DVL3: variants seen among roughly 807,000 people sequenced by gnomAD.
DVL3 encodes segment polarity protein dishevelled homolog DVL-3.
In DVL3, 27 loss-of-function variants were observed where a neutral mutation model predicts 67.4. The observed-to-expected ratio is 0.40, with a 90% CI of 0.30 to 0.55. The LOEUF (loss-of-function observed/expected upper bound fraction) is 0.55, where lower values mean the gene tolerates loss of function less well. Ranked by LOEUF, DVL3 falls within the 20% of genes least tolerant of loss-of-function variation. The pLI is 0.46. For synonymous variants in DVL3, 369 were observed against 396.8 expected (o/e 0.93, Z 0.83); for missense variants, 819 against 1,021.5 (o/e 0.80, Z 2.70).
chr3:184,159,665 AT>A (rs1714313516), intron 1 of DVL3, among the ~76,000 whole-genome samples: 1 of 150,814 alleles, frequency 6.6e-6, no homozygotes, highest in Admixed American at 6.6e-5. Flanking sequence ...TGCCTGGTAT[AT>A]TTTATCTTTA....
chr3:184,156,132 C>G (rs544222445), intron 1 of DVL3, among the ~76,000 whole-genome samples: 4 of 152,210 alleles, frequency 2.6e-5, no homozygotes, highest in South Asian at 4.2e-4. Flanking sequence ...AGCCCGAGTC[C>G]CCCATCCTCC....
rs761878834 is a variant in DVL3, at chr3:184,165,067, G to A, written c.600-46G>A. The A allele has an allele frequency of 6.2e-7, 1 of 1,612,632 alleles. No individual in the cohort carries two copies. The highest frequency in any genetic ancestry group is 1.7e-5 in the Admixed American group (1 of 59,892). On this transcript the variant is annotated intron_variant, in intron 5 of 14. Transcript: ENST00000313143. The surrounding 1 kb of genome is among the most constrained non-coding windows in gnomAD (Gnocchi z 4.1). ...GCCCTGCAGTGCCTCCCCTCATGGG[G>A]GCAGGGCTGGGCCAGCCTGGTGGGG... is the stretch of plus-strand genomic sequence containing the variant.
chr3:184,161,118 G>A (rs1714364932), intron 1 of DVL3, among the ~76,000 whole-genome samples: 1 of 152,128 alleles, frequency 6.6e-6, no homozygotes, highest in Admixed American at 6.6e-5. Context: ...CCCAGCTCTG[G>A]GCAGAAGCTG....
Position 184,171,175 on chromosome 3 carries a change from C to T in DVL3, c.*420C>T. 1 of 1,144,294 alleles carries T rather than the reference C, an allele frequency of 8.7e-7. No homozygotes were observed. Among genetic ancestry groups the T allele is most frequent in the Non-Finnish European group, 1.1e-6 (1 of 923,180 alleles). 70.9% of individuals were successfully genotyped at this position (1,144,294 alleles called of 1,614,324 possible). On this transcript the variant is annotated 3_prime_UTR_variant, in exon 15 of 15. Transcript: ENST00000313143. ...CCATTTATTCAGCTACATCATCCCT[C>T]TATTAACCCCACCCCATCAGGCACG...
In DVL3 at chr3:184,166,286, C is replaced by A. The variant is rs377251528; in HGVS notation, c.903+21C>A. 6.2e-7 allele frequency: 1 copy of A among 1,610,352 alleles called. No homozygotes were observed. Among genetic ancestry groups the A allele is most frequent in the Non-Finnish European group, 8.5e-7 (1 of 1,178,212 alleles). On this transcript the variant is annotated intron_variant, in intron 8 of 14. Coordinates refer to ENST00000313143, the MANE Select transcript of DVL3 (RefSeq NM_004423.4). The surrounding 1 kb of genome is among the most constrained non-coding windows in gnomAD (Gnocchi z 6.7). ...TACAGGTATCAGTGCCCATCCTAGGCGGTGGTGTGGATAGAGGGCAGGGAG... is the reference window on the plus strand; with the variant it reads ...TACAGGTATCAGTGCCCATCCTAGGAGGTGGTGTGGATAGAGGGCAGGGAG...
chr3:184,164,088 TAGC>T lies in DVL3; in HGVS notation c.232-176_232-174del, dbSNP rs1714475028. Among the ~76,000 whole-genome samples the T allele has an allele frequency of 6.6e-6, 1 of 152,102 alleles. No individual in the cohort carries two copies. Among genetic ancestry groups the T allele is most frequent in the Non-Finnish European group, 1.5e-5 (1 of 68,004 alleles). ...CCATGCCTTCCAACAACCCCGTCAA[TAGC>T]AGGAAGTGGCAGAGGGGCCACTGTT... On this transcript the variant is annotated intron_variant, in intron 2 of 14. Transcript: ENST00000313143. This position sits in a 1 kb window ranked among gnomAD's most constrained non-coding sequence, Gnocchi z 5.3.
At position 184,164,661 on chromosome 3, in the gene DVL3, C is replaced by G; in HGVS notation, c.463+60C>G. ...TCACACCCTCCCCTCACTTTCCACC[C>G]AGCTACCCACCTTCTTGCCCTACTT... On this transcript the variant is annotated intron_variant, in intron 4 of 14. Transcript: ENST00000313143. The surrounding 1 kb of genome is among the most constrained non-coding windows in gnomAD (Gnocchi z 5.3). 1 of 1,553,246 alleles carries G rather than the reference C, an allele frequency of 6.4e-7. No individual in the cohort carries two copies.
At position 184,168,032 on chromosome 3, in the gene DVL3, C is replaced by T; in HGVS notation, c.1465C>T (p.Gln489Ter). 1 of 1,614,276 alleles carries T rather than the reference C, an allele frequency of 6.2e-7. No homozygotes were observed. Among genetic ancestry groups the T allele is most frequent in the Non-Finnish European group, 8.5e-7 (1 of 1,180,044 alleles). ...CGTCAACAAGATCACCTTCTCCGAG[C>T]AGTGCTACTACATCTTCGGTGACCT... is the stretch of plus-strand genomic sequence containing the variant. ...HTVNKITFSE[Q>*]CYYIFGDLCG... is the part of the protein sequence containing the mutation. Residue 489 changes from glutamine to a stop codon, truncating the protein, a stop_gained, in exon 13 of 15, where the codon CAG (glutamine) becomes TAG (stop). Coordinates refer to ENST00000313143, the MANE Select transcript of DVL3 (RefSeq NM_004423.4). LOFTEE classifies it high-confidence loss of function.
Position 184,155,975 on chromosome 3 carries a change from T to C in DVL3, c.161+179T>C, listed in dbSNP as rs1230242583. ...GCCCCAGTAGCAACTCCCGTTTACC[T>C]CTGAAGAGGGGACGTTGGCCTCCCT... On this transcript the variant is annotated intron_variant, in intron 1 of 14. Coordinates refer to ENST00000313143, the MANE Select transcript of DVL3 (RefSeq NM_004423.4). The surrounding 1 kb of genome is among the most constrained non-coding windows in gnomAD (Gnocchi z 5.4). Among the ~76,000 whole-genome samples the C allele has an allele frequency of 6.6e-6, 1 of 152,130 alleles. No individual in the cohort carries two copies.
In DVL3 at chr3:184,165,469, C is replaced by T. The variant is rs1714550257; in HGVS notation, c.741C>T (p.Ile247=). 6.2e-7 allele frequency: 1 copy of T among 1,614,102 alleles called. No individual in the cohort carries two copies. The highest frequency in any genetic ancestry group is 1.1e-5 in the South Asian group (1 of 91,076). The part of the protein sequence containing the change: ...SITDSTMSLN[I]ITVTLNMEKY... Reference sequence around the variant, plus strand: ...CGGACTCCACCATGTCACTCAACATCATCACGGTCACTCTCAACATGGGTG... The same window carrying T: ...CGGACTCCACCATGTCACTCAACATTATCACGGTCACTCTCAACATGGGTG... Residue 247 remains isoleucine, a synonymous_variant, in exon 7 of 15, where the codon ATC becomes ATT. Coordinates refer to ENST00000313143, the MANE Select transcript of DVL3 (RefSeq NM_004423.4). This position sits in a 1 kb window ranked among gnomAD's most constrained non-coding sequence, Gnocchi z 4.1.
rs777780743 is a variant in DVL3, at chr3:184,170,263, C to CA, written c.1714+43dup. ...GTGGAGGAAGGCTATAGGTGGGCCC[C>CA]AGGCTTCCCCCGCCCGCTCAGCCTG... On this transcript the variant is annotated intron_variant, in intron 14 of 14. Transcript: ENST00000313143. This position sits in a 1 kb window ranked among gnomAD's most constrained non-coding sequence, Gnocchi z 6.5. 1 of 1,603,154 alleles carries CA rather than the reference C, an allele frequency of 6.2e-7. No homozygotes were observed. Among genetic ancestry groups the CA allele is most frequent in the Non-Finnish European group, 8.5e-7 (1 of 1,174,444 alleles).
In DVL3 at chr3:184,172,358, G is replaced by T. The variant is rs551501960; in HGVS notation, c.*1603G>T. 5.9e-5 allele frequency: 9 copies of T among 152,372 alleles called. No individual in the cohort carries two copies. The highest frequency in any genetic ancestry group is 4.6e-4 in the Admixed American group (7 of 15,302). The allele number at this position is 152,372 out of a possible 1,614,324, so 9.4% of individuals were successfully genotyped here. A position where few individuals can be genotyped will look rare whatever the true frequency, so the allele number is the denominator to read the frequency against. On this transcript the variant is annotated 3_prime_UTR_variant, in exon 15 of 15. Transcript: ENST00000313143. ...GGGCTTCCATATTTTGGGGGCTGGG[G>T]TGTCAAAAGTGAGATGAAGTTCTTA...
Position 184,167,429 on chromosome 3 carries a change from T to G in DVL3, c.1199-151T>G, listed in dbSNP as rs1714637203. On this transcript the variant is annotated intron_variant, in intron 11 of 14. Transcript: ENST00000313143. The surrounding 1 kb of genome is among the most constrained non-coding windows in gnomAD (Gnocchi z 4.6). Reference sequence around the variant, plus strand: ...TAAAGTAGATATTAAAATCCCCATTTTTTACAGAAGGGGAAACTGAGTGTC... The same window carrying G: ...TAAAGTAGATATTAAAATCCCCATTGTTTACAGAAGGGGAAACTGAGTGTC... The G allele has an allele frequency of 1.3e-6, 1 of 741,890 alleles. No homozygotes were observed. Among genetic ancestry groups the G allele is most frequent in the African/African-American group, 1.8e-5 (1 of 56,512 alleles). 46.0% of individuals were successfully genotyped at this position (741,890 alleles called of 1,614,324 possible). A position where few individuals can be genotyped will look rare whatever the true frequency, so the allele number is the denominator to read the frequency against.
In DVL3 at chr3:184,155,534, G is replaced by A. The variant is rs1423546086; in HGVS notation, c.-102G>A. ...GGCGCCGCCAGCAGCCGCCGAGCTGGGTTGAGCCGCTGGGCCGCGCCGCGC... is the reference window on the plus strand; with the variant it reads ...GGCGCCGCCAGCAGCCGCCGAGCTGAGTTGAGCCGCTGGGCCGCGCCGCGC... On this transcript the variant is annotated 5_prime_UTR_variant, in exon 1 of 15. Coordinates refer to ENST00000313143, the MANE Select transcript of DVL3 (RefSeq NM_004423.4). This position sits in a 1 kb window ranked among gnomAD's most constrained non-coding sequence, Gnocchi z 5.4. 2.1e-5 allele frequency: 16 copies of A among 759,546 alleles called. No homozygotes were observed. In the Admixed American group the frequency reaches 4.4e-4, roughly 21 times the overall value. The allele number at this position is 759,546 out of a possible 1,614,324, so 47.1% of individuals were successfully genotyped here.
chr3:184,155,594 C>G lies in DVL3; in HGVS notation c.-42C>G, dbSNP rs752778138. On this transcript the variant is annotated 5_prime_UTR_variant, in exon 1 of 15. Transcript: ENST00000313143. This position sits in a 1 kb window ranked among gnomAD's most constrained non-coding sequence, Gnocchi z 5.4. ...GTCTGGGAGGCTCGGCCCGGCCGCC[C>G]GAGCAGGCCGCGCGCGGGCCGCCGG... 6.9e-6 allele frequency: 8 copies of G among 1,157,564 alleles called. No individual in the cohort carries two copies. Among genetic ancestry groups the G allele is most frequent in the Non-Finnish European group, 8.6e-6 (8 of 935,474 alleles). The allele number at this position is 1,157,564 out of a possible 1,614,324, so 71.7% of individuals were successfully genotyped here. A position where few individuals can be genotyped will look rare whatever the true frequency, so the allele number is the denominator to read the frequency against.
rs757532123 is a variant in DVL3, at chr3:184,164,890, C to T, written c.558C>T (p.Thr186=). ...CCCTTATGAGCAGTGAGCTGGAGAC[C>T]ACCAGCTTCTTTGACTCAGATGAGG... ...SSTLMSSELE[T]TSFFDSDEDD... Residue 186 remains threonine (T), a synonymous_variant, in exon 5 of 15, where the codon ACC becomes ACT. Transcript: ENST00000313143. This position sits in a 1 kb window ranked among gnomAD's most constrained non-coding sequence, Gnocchi z 5.3. 6.2e-7 allele frequency: 1 copy of T among 1,614,210 alleles called. No homozygotes were observed. The highest frequency in any genetic ancestry group is 8.5e-7 in the Non-Finnish European group (1 of 1,180,038).
In DVL3 at chr3:184,166,088, C is replaced by G. The variant is rs754901383; in HGVS notation, c.764-38C>G. The G allele has an allele frequency of 1.2e-6, 2 of 1,603,034 alleles. No individual in the cohort carries two copies. The highest frequency in any genetic ancestry group is 1.7e-6 in the Non-Finnish European group (2 of 1,177,566). ...AATGGGCTGGGAATGCGGGTAGGAA[C>G]CTTGCTCCCCCTTAAGGTCTTAAAT... On this transcript the variant is annotated intron_variant, in intron 7 of 14. Transcript: ENST00000313143. The surrounding 1 kb of genome is among the most constrained non-coding windows in gnomAD (Gnocchi z 6.7).
chr3:184,166,319 A>G lies in DVL3; in HGVS notation c.903+54A>G, dbSNP rs1714587776. 1 of 1,605,110 alleles carries G rather than the reference A, an allele frequency of 6.2e-7. No homozygotes were observed. Among genetic ancestry groups the G allele is most frequent in the Non-Finnish European group, 8.5e-7 (1 of 1,174,600 alleles). ...TGGATAGAGGGCAGGGAGGTGTCCT[A>G]CCATCTGTACCCTGCTCCTTCAGAG... On this transcript the variant is annotated intron_variant, in intron 8 of 14. Coordinates refer to ENST00000313143, the MANE Select transcript of DVL3 (RefSeq NM_004423.4). This position sits in a 1 kb window ranked among gnomAD's most constrained non-coding sequence, Gnocchi z 6.7.
At chr3:184,168,176 G>T (rs565370420) in intron 13 of DVL3, 111 bp downstream of exon 13, 4 of 1,303,170 alleles carry the variant, frequency 3.1e-6, no homozygotes, top group South Asian at 2.7e-5. Flanking sequence ...GCAGAGCCAG[G>T]GGCCCAATTC....
Sources: allele counts gnomAD v4.1 joint callset (sites outside exome capture counted in the v4.1 genomes callset), GRCh38; gene constraint gnomAD v4.1.1; non-coding constraint Gnocchi (gnomAD v3.1); transcripts MANE v1.5; gene names NCBI Gene and HGNC (gene_info 2026-07-23, HGNC 2026-07-21).